Variants in NCR1 observed in about 807,000 individuals in gnomAD.
NCR1 encodes NK cell-activating receptor.
In NCR1, 30 loss-of-function variants were observed where a neutral mutation model predicts 32.5. The ratio of observed to expected loss-of-function variants is 0.92; its 90% confidence interval spans 0.69 to 1.25. The LOEUF is 1.25. Ranked by LOEUF, NCR1 falls within the 50% of genes most tolerant of loss-of-function variation. The pLI is 0.00. For synonymous variants in NCR1, 169 were observed against 143.4 expected (o/e 1.18, Z -1.28); for missense variants, 369 against 380.7 (o/e 0.97, Z 0.26).
At chr19:54,919,253 G>A (rs906220552), downstream of NCR1, among the ~76,000 whole-genome samples, 1 of 152,162 alleles carries the variant, frequency 6.6e-6, no homozygotes, top group African/African-American at 2.4e-5. Context: ...GGGCCCGGGG[G>A]ACCACTACCA....
At chr19:54,903,912 G>A (rs1441006093), upstream of NCR1, among the ~76,000 whole-genome samples, 1 of 151,552 alleles carries the variant, frequency 6.6e-6, no homozygotes, top group Non-Finnish European at 1.5e-5. Flanking sequence ...ATTCACTTGA[G>A]GTGAGGAGTT....
chr19:54,904,621 C>T (rs1329288517), upstream of NCR1, among the ~76,000 whole-genome samples: 2 of 151,554 alleles, frequency 1.3e-5, no homozygotes, highest in Admixed American at 6.6e-5. Flanking sequence ...CAACCTTCAC[C>T]TTCCAGGTTC....
downstream of NCR1, among the ~76,000 whole-genome samples, chr19:54,916,715 T>C (rs2068143441): frequency 7.3e-6 from 1 of 136,878 alleles, no homozygotes; most frequent in Non-Finnish European, 1.6e-5. Flanking sequence ...TTTTTTTTTT[T>C]TTTTTTTTTT....
chr19:54,905,577 A>T (rs962792485), upstream of NCR1, among the ~76,000 whole-genome samples: 3 of 152,084 alleles, frequency 2.0e-5, no homozygotes, highest in Admixed American at 1.3e-4. Context: ...TTACGACTTG[A>T]GGTTATCCTG....
chr19:54,925,946 G>A, the NCR1 span, among the ~76,000 whole-genome samples: 1 of 151,544 alleles, frequency 6.6e-6, no homozygotes, highest in Non-Finnish European at 1.5e-5. Context: ...CTTGCAGTGA[G>A]CCGAGATCGC....
upstream of NCR1, among the ~76,000 whole-genome samples, chr19:54,903,647 A>AG (rs2067375914): frequency 7.3e-6 from 1 of 137,188 alleles, no homozygotes; most frequent in Admixed American, 8.0e-5. Flanking sequence ...GTATATATAC[A>AG]CATATATGTA....
At chr19:54,921,584 T>C in the NCR1 span, among the ~76,000 whole-genome samples, 3 of 152,126 alleles carry the variant, frequency 2.0e-5, no homozygotes, top group Middle Eastern at 6.8e-3. Flanking sequence ...CCAGCCTGGC[T>C]AACATGGTGA....
the NCR1 span, among the ~76,000 whole-genome samples, chr19:54,921,665 C>T: frequency 4.7e-5 from 7 of 150,312 alleles, no homozygotes; most frequent in East Asian, 7.9e-4. Context: ...TCAGCTACTC[C>T]GGAGGCTGGG....
the NCR1 span, among the ~76,000 whole-genome samples, chr19:54,926,205 G>GGGGTGTGTGTGT: frequency 4.9e-5 from 7 of 143,744 alleles, no homozygotes; most frequent in African/African-American, 1.5e-4. Context: ...AATGATTAGG[G>GGGGTGTGTGTGT]GTGTGTGTGT....
At chr19:54,901,578 T>TGGGAGGCTGAGGCAGGC (rs920189097), upstream of NCR1, among the ~76,000 whole-genome samples, 1 of 151,646 alleles carries the variant, frequency 6.6e-6, no homozygotes, top group Non-Finnish European at 1.5e-5. Flanking sequence ...CCGAGGCAGG[T>TGGGAGGCTGAGGCAGGC]GGGAGGCTGA....
At chr19:54,930,314 T>A in the NCR1 span, among the ~76,000 whole-genome samples, 7 of 151,296 alleles carry the variant, frequency 4.6e-5, no homozygotes, top group Non-Finnish European at 8.8e-5. Context: ...AGAAAACAGT[T>A]ACCTGGCCAT....
chr19:54,935,653 C>A, the NCR1 span, among the ~76,000 whole-genome samples: 52 of 150,892 alleles, frequency 3.4e-4, no homozygotes, highest in African/African-American at 1.2e-3. Context: ...GATCGCGCCA[C>A]TGCGCTCCAG....
At chr19:54,904,377 G>A (rs1463558763), upstream of NCR1, among the ~76,000 whole-genome samples, 1 of 151,882 alleles carries the variant, frequency 6.6e-6, no homozygotes, top group Non-Finnish European at 1.5e-5. Context: ...GCAGATACAT[G>A]TGCAGGTTTT....
the NCR1 span, among the ~76,000 whole-genome samples, chr19:54,899,409 C>T: frequency 2.0e-5 from 3 of 151,052 alleles, no homozygotes; most frequent in African/African-American, 7.3e-5. Context: ...GAGGCAAGCA[C>T]AGAGAAAAGA....
At chr19:54,923,604 G>A in the NCR1 span, 1 of 995,514 alleles carries the variant, frequency 1.0e-6, no homozygotes, top group Non-Finnish European at 1.6e-6. Flanking sequence ...CCCAAAAATA[G>A]TGAGAAAACC....
the NCR1 span, chr19:54,930,622 G>A: frequency 6.2e-7 from 1 of 1,612,614 alleles, no homozygotes; most frequent in Non-Finnish European, 8.5e-7. Flanking sequence ...GAGCGCCTCT[G>A]AGAGATATCT....
the NCR1 span, among the ~76,000 whole-genome samples, chr19:54,899,875 G>C: frequency 1.3e-5 from 2 of 152,134 alleles, no homozygotes. Flanking sequence ...TCCATGACCG[G>C]CGCTGGAGTT....
the NCR1 span, among the ~76,000 whole-genome samples, chr19:54,900,825 C>T: frequency 1.3e-5 from 2 of 151,868 alleles, no homozygotes; most frequent in Non-Finnish European, 2.9e-5. Flanking sequence ...GGCAGCTGGT[C>T]GGCATGGGGT....
chr19:54,910,033 C>G lies in NCR1; in HGVS notation c.650C>G (p.Thr217Ser), dbSNP rs587657657. The G allele has an allele frequency of 3.2e-5, 52 of 1,613,714 alleles. No homozygotes were observed. The South Asian group carries it at 5.4e-4, about 17-fold the overall frequency. Residue 217 changes from threonine (T) to serine (S), a missense_variant, in exon 5 of 7, where the codon ACC (threonine) becomes AGC (serine). By Grantham distance (58) the Thr-to-Ser change is moderately conservative. Coordinates refer to ENST00000291890, the MANE Select transcript of NCR1 (RefSeq NM_004829.7). ...KLLVTGDIEN[T>S]SLAPEDPTFP... ...CCTTTTCCAGGCGACATTGAGAACA[C>G]CAGCCTTGCACCTGAAGACCCCACC...
Sources: gnomAD v4.1 joint callset for allele counts (sites outside exome capture counted in the v4.1 genomes callset) on GRCh38, gnomAD v4.1.1 for gene constraint, MANE v1.5 for transcripts, NCBI Gene and HGNC (gene_info 2026-07-23, HGNC 2026-07-21) for gene names.